The following C3orf62 variants were observed in gnomAD, a reference collection of about 807,000 sequenced individuals.
C3orf62 encodes uncharacterized protein C3orf62.
A neutral mutation model predicts 21.7 loss-of-function variants in C3orf62; 16 were observed. The ratio of observed to expected loss-of-function variants is 0.74; its 90% CI spans 0.50 to 1.12. The LOEUF (loss-of-function observed/expected upper bound fraction) is 1.12, where lower values mean the gene tolerates loss of function less well. C3orf62 is among the 50% of genes most tolerant of loss of function. C3orf62 has a pLI of 0.00. For missense variants in C3orf62, 310 were observed against 318.8 expected (o/e 0.97, Z 0.21); for synonymous variants, 114 against 117.0 (o/e 0.97, Z 0.17).
At position 49,276,930 on chromosome 3, in the gene C3orf62, A is replaced by G; in HGVS notation, c.-58T>C. The G allele has an allele frequency of 1.9e-6, 3 of 1,552,990 alleles. No homozygotes were observed. The highest frequency in any genetic ancestry group is 2.5e-5 in the South Asian group (2 of 81,206). ...AAATGAGGCTGCAAACTACCCCTGA[A>G]TGGCCACGATTTCCTGGAGCTTGGC... On this transcript the variant is annotated 5_prime_UTR_variant, in exon 1 of 3. Coordinates refer to ENST00000343010, the MANE Select transcript of C3orf62 (RefSeq NM_198562.3).
At chr3:49,274,015 C>T in intron 2 of C3orf62, 34 bp downstream of exon 2, 1 of 1,489,626 alleles carries the variant, frequency 6.7e-7, no homozygotes. Flanking sequence ...ACCTATCTTC[C>T]CAAGGACAGG....
chr3:49,271,294 A>G lies in C3orf62; in HGVS notation c.690T>C (p.Asp230=). The part of the protein sequence containing the change: ...LMDKSPQKAT[D]ADPGSLKQAF... ...CCTGTTTGAGGCTGCCAGGGTCAGC[A>G]TCTGTGGCCTTCTGAGGGCTCTTGT... The change falls in exon 3 of 3, where the codon GAT becomes GAC. Residue 230 remains aspartate (D), a synonymous_variant. Coordinates refer to ENST00000343010, the MANE Select transcript of C3orf62 (RefSeq NM_198562.3). 7 of 1,614,228 alleles carry G rather than the reference A, an allele frequency of 4.3e-6. No individual in the cohort carries two copies. The highest frequency in any genetic ancestry group is 1.3e-5 in the African/African-American group (1 of 75,074).
rs551129883 is a variant in C3orf62, at chr3:49,271,036, A to G, written c.*144T>C. The G allele has an allele frequency of 1.8e-4, 142 of 767,952 alleles. 1 individual carries two copies. The South Asian group carries it at 2.5e-3, about 13-fold the overall frequency. The allele number at this position is 767,952 out of a possible 1,614,324, so 47.6% of individuals were successfully genotyped here. On this transcript the variant is annotated 3_prime_UTR_variant, in exon 3 of 3. Coordinates refer to ENST00000343010, the MANE Select transcript of C3orf62 (RefSeq NM_198562.3). ...CTGGTCTCACAGCTTAAAAAGGGAC[A>G]CAACTGGGATTTAAAAAGGGTCTGG...
At chr3:49,271,924 ACAAAAAAAAAAAAC>A (rs1265896526) in intron 2 of C3orf62, among the ~76,000 whole-genome samples, 1 of 119,928 alleles carries the variant, frequency 8.3e-6, no homozygotes, top group African/African-American at 3.3e-5. Context: ...AAAAAAAAAA[ACAAAAAAAAAAAAC>A]AAAAAAACCT....
intron 1 of C3orf62, among the ~76,000 whole-genome samples, chr3:49,275,227 C>A (rs1048256289): frequency 7.2e-5 from 11 of 151,872 alleles, no homozygotes; most frequent in Non-Finnish European, 5.9e-5. Flanking sequence ...AATTCTCCTG[C>A]CTCGGCCTCC....
rs1224366863 is a variant in C3orf62, at chr3:49,269,242, GC to G, written c.*1937del. 2.0e-5 allele frequency: 3 copies of G among 152,162 alleles called. No homozygotes were observed. Among genetic ancestry groups the G allele is most frequent in the Admixed American group, 6.6e-5 (1 of 15,262 alleles). 9.4% of individuals were successfully genotyped at this position (152,162 alleles called of 1,614,324 possible). A position where few individuals can be genotyped will look rare whatever the true frequency, so the allele number is the denominator to read the frequency against. The stretch of plus-strand genomic sequence containing the variant: ...CATGACATCACTTGGTTAGGTGTCT[GC>G]CAGGCTTCCCCACTATAAGTTTGTG... On this transcript the variant is annotated 3_prime_UTR_variant, in exon 3 of 3. Coordinates refer to ENST00000343010, the MANE Select transcript of C3orf62 (RefSeq NM_198562.3).
intron 1 of C3orf62, among the ~76,000 whole-genome samples, chr3:49,275,471 C>T (rs1029370353): frequency 6.1e-5 from 9 of 147,328 alleles, no homozygotes; most frequent in African/African-American, 2.2e-4. Flanking sequence ...AATTAAATGG[C>T]CTCTTTATCC....
intron 1 of C3orf62, 123 bp downstream of exon 1, chr3:49,276,304 G>A (rs1441557216): frequency 7.8e-6 from 7 of 895,826 alleles, no homozygotes; most frequent in Non-Finnish European, 1.0e-5. Context: ...CCCAAATGCA[G>A]TCACAGAGCT....
rs767908262 is a variant in C3orf62, at chr3:49,274,090, T to C, written c.497A>G (p.Asn166Ser). Residue 166 changes from asparagine (N) to serine (S), a missense_variant, in exon 2 of 3, where the codon AAT becomes AGT. By Grantham distance (46) the Asn-to-Ser change is conservative. Coordinates refer to ENST00000343010, the MANE Select transcript of C3orf62 (RefSeq NM_198562.3). The stretch of plus-strand genomic sequence containing the variant: ...ATCCTTTGTGACCTCTTGGCTAGAA[T>C]TGTTGAGTGGCATGTTTGAGTCAGC... ...LKADSNMPLN[N>S]SSQEVTKDLL... The C allele has an allele frequency of 4.3e-6, 7 of 1,614,120 alleles. No individual in the cohort carries two copies. The East Asian group carries it at 1.3e-4, about 31-fold the overall frequency.
rs994365072 is a variant in C3orf62 at position 49,271,259 on chromosome 3, T to G, written c.725A>C (p.Asp242Ala). Residue 242 changes from aspartate to alanine, a missense_variant, in exon 3 of 3, where the codon GAT becomes GCT. Coordinates refer to ENST00000343010, the MANE Select transcript of C3orf62 (RefSeq NM_198562.3). ...DPGSLKQAFD[D>A]HNIVETVLDL... ...CAGAACAGTCTCAACAATATTATGA[T>G]CATCAAAAGCCTGTTTGAGGCTGCC... is the stretch of plus-strand genomic sequence containing the variant. 3 of 1,614,030 alleles carry G rather than the reference T, an allele frequency of 1.9e-6. No individual in the cohort carries two copies. The African/African-American group carries it at 4.0e-5, about 22-fold the overall frequency.
rs1239051648 is a variant in C3orf62 at position 49,269,789 on chromosome 3, G to A, written c.*1391C>T. 1 of 152,272 alleles carries A rather than the reference G, an allele frequency of 6.6e-6. No homozygotes were observed. The highest frequency in any genetic ancestry group is 2.4e-5 in the African/African-American group (1 of 41,464). 9.4% of individuals were successfully genotyped at this position (152,272 alleles called of 1,614,324 possible). On this transcript the variant is annotated 3_prime_UTR_variant, in exon 3 of 3. Coordinates refer to ENST00000343010, the MANE Select transcript of C3orf62 (RefSeq NM_198562.3). ...GGTCTAACCATGCCATAGTTCTTGGGGCACCAGCAGGTGCCAGGCCAACCT... is the reference window on the plus strand; with the variant it reads ...GGTCTAACCATGCCATAGTTCTTGGAGCACCAGCAGGTGCCAGGCCAACCT...
Position 49,277,071 on chromosome 3 carries a change from C to T in C3orf62, c.-199G>A. ...GCCCCAAAGACGCCCCGCCCCACTT[C>T]CCACAGCTTCCTGGCCCGCCCCGCC... On this transcript the variant is annotated 5_prime_UTR_variant, in exon 1 of 3. Coordinates refer to ENST00000343010, the MANE Select transcript of C3orf62 (RefSeq NM_198562.3). 1 of 1,486,466 alleles carries T rather than the reference C, an allele frequency of 6.7e-7. No individual in the cohort carries two copies. The highest frequency in any genetic ancestry group is 8.9e-7 in the Non-Finnish European group (1 of 1,118,602). 92.1% of individuals were successfully genotyped at this position (1,486,466 alleles called of 1,614,324 possible).
Position 49,277,001 on chromosome 3 carries a change from T to G in C3orf62, c.-129A>C, listed in dbSNP as rs939920743. On this transcript the variant is annotated 5_prime_UTR_variant, in exon 1 of 3. Coordinates refer to ENST00000343010, the MANE Select transcript of C3orf62 (RefSeq NM_198562.3). ...CAACCCTCGGGCTTTCCTCCTGGAG[T>G]AGGCGGTTCTCGGCTCTCGCGGAGG... 1.0e-5 allele frequency: 15 copies of G among 1,466,008 alleles called. No homozygotes were observed. The highest frequency in any genetic ancestry group is 2.3e-4 in the Middle Eastern group (1 of 4,396). 90.8% of individuals were successfully genotyped at this position (1,466,008 alleles called of 1,614,324 possible). A position where few individuals can be genotyped will look rare whatever the true frequency, so the allele number is the denominator to read the frequency against.
chr3:49,271,118 G>GCTT lies in C3orf62; in HGVS notation c.*59_*61dup. The stretch of plus-strand genomic sequence containing the variant: ...GTGGCCCCTGACGGCCATTGTAGCT[G>GCTT]CTTCTGCTCAGGCTCAAGGGCAGCC... On this transcript the variant is annotated 3_prime_UTR_variant, in exon 3 of 3. Coordinates refer to ENST00000343010, the MANE Select transcript of C3orf62 (RefSeq NM_198562.3). 1.3e-6 allele frequency: 2 copies of GCTT among 1,528,514 alleles called. No individual in the cohort carries two copies. Among genetic ancestry groups the GCTT allele is most frequent in the Non-Finnish European group, 1.8e-6 (2 of 1,129,618 alleles). The allele number at this position is 1,528,514 out of a possible 1,614,324, so 94.7% of individuals were successfully genotyped here. A position where few individuals can be genotyped will look rare whatever the true frequency, so the allele number is the denominator to read the frequency against.
intron 2 of C3orf62, among the ~76,000 whole-genome samples, chr3:49,272,876 T>C (rs1201324340): frequency 2.0e-5 from 3 of 152,070 alleles, no homozygotes; most frequent in Non-Finnish European, 4.4e-5. Context: ...CTTTAATTAC[T>C]GACCCCAGCT....
At chr3:49,275,118 ATT>A (rs34827861) in intron 1 of C3orf62, among the ~76,000 whole-genome samples, 2 of 141,852 alleles carry the variant, frequency 1.4e-5, no homozygotes, top group Admixed American at 7.0e-5. Flanking sequence ...TGTGCCCAGC[ATT>A]TTTTTTTTTT....
chr3:49,276,723 G>C lies in C3orf62; in HGVS notation c.150C>G (p.Ser50Arg), dbSNP rs1347151291. Residue 50 changes from serine (S) to arginine (R), a missense_variant, in exon 1 of 3, where the codon AGC becomes AGG. Physicochemically the swap from Ser to Arg is moderately radical, Grantham distance 110. Coordinates refer to ENST00000343010, the MANE Select transcript of C3orf62 (RefSeq NM_198562.3). ...ECTGQQRLEL[S>R]AAPLSFSLPV... Reference sequence around the variant, plus strand: ...GCAGCGAGAAGGAGAGCGGCGCGGCGCTCAGTTCCAGCCTCTGCTGGCCTG... The same window carrying C: ...GCAGCGAGAAGGAGAGCGGCGCGGCCCTCAGTTCCAGCCTCTGCTGGCCTG... 3 of 1,614,202 alleles carry C rather than the reference G, an allele frequency of 1.9e-6. No individual in the cohort carries two copies. The highest frequency in any genetic ancestry group is 2.2e-5 in the East Asian group (1 of 44,882).
chr3:49,271,313 C>CTCT lies in C3orf62; in HGVS notation c.668_670dup (p.Lys223dup). On this transcript the variant is annotated inframe_insertion, in exon 3 of 3. Transcript: ENST00000343010. ...GTCAGCATCTGTGGCCTTCTGAGGG[C>CTCT]TCTTGTCCATGAGCAGGGCCCAGGC... is the stretch of plus-strand genomic sequence containing the variant. The CTCT allele has an allele frequency of 6.2e-7, 1 of 1,614,206 alleles. No homozygotes were observed. The highest frequency in any genetic ancestry group is 1.1e-5 in the South Asian group (1 of 91,080).
At position 49,277,172 on chromosome 3, in the gene C3orf62, G is replaced by A. The variant is rs375969404; in HGVS notation, c.-300C>T. Reference sequence around the variant, plus strand: ...CCCCCTTTGGCGAGTCGGCAGCCACGTCCTTGTCCTCACCCGCAGCGCAGT... The same window carrying A: ...CCCCCTTTGGCGAGTCGGCAGCCACATCCTTGTCCTCACCCGCAGCGCAGT... On this transcript the variant is annotated 5_prime_UTR_variant, in exon 1 of 3. The change creates a new upstream start codon in the 5' untranslated region. Transcript: ENST00000343010. 5 of 1,393,600 alleles carry A rather than the reference G, an allele frequency of 3.6e-6. No individual in the cohort carries two copies. The highest frequency in any genetic ancestry group is 3.8e-6 in the Non-Finnish European group (4 of 1,056,088). 86.3% of individuals were successfully genotyped at this position (1,393,600 alleles called of 1,614,324 possible).
Sources: allele counts gnomAD v4.1 joint callset (sites outside exome capture counted in the v4.1 genomes callset), GRCh38; gene constraint gnomAD v4.1.1; transcripts MANE v1.5; gene names NCBI Gene and HGNC (gene_info 2026-07-23, HGNC 2026-07-21).